ZEB1: variants seen among roughly 807,000 people sequenced by gnomAD.
The protein encoded by ZEB1 is zinc finger E-box-binding homeobox 1.
A neutral mutation model predicts 84.9 loss-of-function variants in ZEB1; 21 were observed. The ratio of observed to expected loss-of-function variants is 0.25; its 90% CI spans 0.18 to 0.36. The LOEUF (loss-of-function observed/expected upper bound fraction) is 0.36. Ranked by LOEUF, ZEB1 falls within the 10% of genes least tolerant of loss-of-function variation. ZEB1 has a pLI of 1.00. For missense variants in ZEB1, 1,104 were observed against 1,330.2 expected (o/e 0.83, Z 2.65); for synonymous variants, 420 against 471.1 (o/e 0.89, Z 1.41).
chr10:31,418,836 A>G (rs770243564), intron 1 of ZEB1, among the ~76,000 whole-genome samples: 3 of 152,140 alleles, frequency 2.0e-5, no homozygotes, highest in Admixed American at 6.5e-5. Context: ...ATGCTCCAAA[A>G]TCTGAAACTT....
chr10:31,342,361 T>C (rs1314147415), intron 1 of ZEB1, among the ~76,000 whole-genome samples: 1 of 152,100 alleles, frequency 6.6e-6, no homozygotes. Context: ...AGAGAAATTT[T>C]AGGTCTGGAG....
chr10:31,442,552 G>A (rs1564872746), intron 1 of ZEB1, among the ~76,000 whole-genome samples: 6 of 146,036 alleles, frequency 4.1e-5, no homozygotes. Context: ...GAACTTAAAA[G>A]TATAATAATA....
chr10:31,474,256 C>G (rs567524534), intron 2 of ZEB1, among the ~76,000 whole-genome samples: 227 of 151,470 alleles, frequency 1.5e-3, no homozygotes, highest in Non-Finnish European at 2.7e-3. Context: ...AGGAAACTAC[C>G]ATCAGAGTGA....
At chr10:31,457,586 A>G (rs978913192) in intron 1 of ZEB1, among the ~76,000 whole-genome samples, 1 of 152,142 alleles carries the variant, frequency 6.6e-6, no homozygotes, top group Non-Finnish European at 1.5e-5. Context: ...GTTATAAAAT[A>G]TATACAATCT....
rs2073737613 is a variant in ZEB1, at chr10:31,527,601, T to G, written c.*337T>G. The G allele has an allele frequency of 3.6e-6, 1 of 280,462 alleles. No homozygotes were observed. Among genetic ancestry groups the G allele is most frequent in the Non-Finnish European group, 6.7e-6 (1 of 148,386 alleles). 17.4% of individuals were successfully genotyped at this position (280,462 alleles called of 1,614,324 possible). On this transcript the variant is annotated 3_prime_UTR_variant, in exon 9 of 9. Transcript: ENST00000424869. Reference sequence around the variant, plus strand: ...CAAGAGGTTAAAGGAAGCTGATTAATTAGATATGCATCTGGCATTGTTTTA... The same window carrying G: ...CAAGAGGTTAAAGGAAGCTGATTAAGTAGATATGCATCTGGCATTGTTTTA...
intron 1 of ZEB1, among the ~76,000 whole-genome samples, chr10:31,369,147 G>C (rs1590415232): frequency 6.6e-6 from 1 of 152,014 alleles, no homozygotes; most frequent in Non-Finnish European, 1.5e-5. Flanking sequence ...GTGATGTTTT[G>C]ATATATGTAT....
chr10:31,492,984 A>C (rs1194472851), intron 2 of ZEB1, among the ~76,000 whole-genome samples: 1 of 151,976 alleles, frequency 6.6e-6, no homozygotes, highest in Non-Finnish European at 1.5e-5. Flanking sequence ...AATCCTGTGT[A>C]CCCTTTACCC....
At chr10:31,480,491 C>T (rs1419325399) in intron 2 of ZEB1, among the ~76,000 whole-genome samples, 4 of 151,996 alleles carry the variant, frequency 2.6e-5, no homozygotes, top group East Asian at 1.9e-4. Flanking sequence ...TTCTAGTCTT[C>T]GCTGTACCAT....
chr10:31,482,138 G>C (rs1354581181), intron 2 of ZEB1, among the ~76,000 whole-genome samples: 2 of 152,008 alleles, frequency 1.3e-5, no homozygotes, highest in Non-Finnish European at 2.9e-5. Flanking sequence ...AATTACAGAT[G>C]ATAATATCAC....
intron 3 of ZEB1, among the ~76,000 whole-genome samples, chr10:31,501,492 AC>A (rs1181372340): frequency 6.6e-6 from 1 of 152,184 alleles, no homozygotes; most frequent in Non-Finnish European, 1.5e-5. Flanking sequence ...TAGATTTGAT[AC>A]CCTTTGATGC....
At chr10:31,476,564 A>G (rs1425377673) in intron 2 of ZEB1, among the ~76,000 whole-genome samples, 1 of 152,060 alleles carries the variant, frequency 6.6e-6, no homozygotes, top group Admixed American at 6.6e-5. Context: ...GTCTTACAGA[A>G]ACTATTCCAA....
At chr10:31,509,665 A>G (rs546084277) in intron 4 of ZEB1, among the ~76,000 whole-genome samples, 1 of 152,238 alleles carries the variant, frequency 6.6e-6, no homozygotes, top group Non-Finnish European at 1.5e-5. Context: ...ACTTGAATAA[A>G]GGAATATATG....
intron 3 of ZEB1, among the ~76,000 whole-genome samples, chr10:31,498,451 G>A (rs1240488447): frequency 6.6e-6 from 1 of 151,882 alleles, no homozygotes; most frequent in South Asian, 2.1e-4. Flanking sequence ...TGTTCACCTT[G>A]CAGGACTTCT....
chr10:31,455,450 G>T (rs1242329490), intron 1 of ZEB1, among the ~76,000 whole-genome samples: 1 of 152,104 alleles, frequency 6.6e-6, no homozygotes, highest in Admixed American at 6.5e-5. Context: ...CACAGCAAAA[G>T]AAACTATCAT....
At chr10:31,338,830 G>C (rs547206809) in intron 1 of ZEB1, among the ~76,000 whole-genome samples, 5 of 152,200 alleles carry the variant, frequency 3.3e-5, no homozygotes, top group African/African-American at 9.6e-5. Flanking sequence ...ATGGAGTCAT[G>C]ATTTAAAATA....
chr10:31,337,454 A>G (rs1476302453), intron 1 of ZEB1, among the ~76,000 whole-genome samples: 3 of 152,064 alleles, frequency 2.0e-5, no homozygotes, highest in Non-Finnish European at 4.4e-5. Flanking sequence ...ATTAATAATT[A>G]CTGATAGTAA....
chr10:31,325,727 T>A (rs1313466673), intron 1 of ZEB1, among the ~76,000 whole-genome samples: 2 of 152,012 alleles, frequency 1.3e-5, no homozygotes, highest in Admixed American at 6.6e-5. Context: ...GTTAATTTCT[T>A]TTTATTGTTT....
intron 5 of ZEB1, 97 bp downstream of exon 5, chr10:31,510,972 A>T: frequency 8.4e-7 from 1 of 1,183,530 alleles, no homozygotes; most frequent in East Asian, 2.5e-5. Flanking sequence ...AAGTTAAAAG[A>T]ATGTACTAAA....
At chr10:31,385,600 C>A (rs1361265142) in intron 1 of ZEB1, among the ~76,000 whole-genome samples, 1 of 151,236 alleles carries the variant, frequency 6.6e-6, no homozygotes, top group Non-Finnish European at 1.5e-5. Flanking sequence ...AGTCTCAGCT[C>A]ACTGCAACCT....
Sources: gnomAD v4.1 joint callset for allele counts (sites outside exome capture counted in the v4.1 genomes callset) on GRCh38, gnomAD v4.1.1 for gene constraint, MANE v1.5 for transcripts, NCBI Gene and HGNC (gene_info 2026-07-23, HGNC 2026-07-21) for gene names.